PTN: variants seen among roughly 807,000 people sequenced by gnomAD.
PTN encodes pleiotrophin.
In PTN, 18 loss-of-function variants were observed where a neutral mutation model predicts 24.1. That is an observed-to-expected ratio of 0.75 (90% CI 0.52 to 1.11). The LOEUF is 1.11. Among genes scored for constraint, PTN ranks in the 50% least tolerant of loss-of-function variants. The pLI is 0.00. For synonymous variants in PTN, 78 were observed against 68.6 expected, an observed-to-expected ratio of 1.14 and a Z score of -0.67; for missense variants, 163 against 198.8, an observed-to-expected ratio of 0.82 and a Z score of 1.08.
intron 1 of PTN, among the ~76,000 whole-genome samples, chr7:137,269,781 C>T (rs193121018): frequency 1.5e-4 from 23 of 151,672 alleles, no homozygotes; most frequent in Non-Finnish European, 2.4e-4. Context: ...TACAAATGTG[C>T]GCTACCCTGC....
At chr7:137,320,025 C>T (rs1387253306) in intron 1 of PTN, among the ~76,000 whole-genome samples, 1 of 152,148 alleles carries the variant, frequency 6.6e-6, no homozygotes, top group Non-Finnish European at 1.5e-5. Context: ...GAAAACAAAT[C>T]TCTCTCTCTT....
At chr7:137,321,189 C>T (rs1423817382) in intron 1 of PTN, among the ~76,000 whole-genome samples, 3 of 152,174 alleles carry the variant, frequency 2.0e-5, no homozygotes, top group African/African-American at 7.2e-5. Flanking sequence ...AAAGACCCTG[C>T]ATGTTCACCA....
At chr7:137,343,200 A>C (rs1810563177) in intron 1 of PTN, among the ~76,000 whole-genome samples, 1 of 152,024 alleles carries the variant, frequency 6.6e-6, no homozygotes, top group Non-Finnish European at 1.5e-5. Context: ...ACATCACAAA[A>C]ACTTCTTTCC....
intron 4 of PTN, among the ~76,000 whole-genome samples, chr7:137,241,896 G>T (rs959437681): frequency 6.6e-6 from 1 of 152,146 alleles, no homozygotes; most frequent in African/African-American, 2.4e-5. Context: ...GGGCCTTCGA[G>T]GGGAGGGAGC....
At chr7:137,287,605 A>G (rs1809577462) in intron 1 of PTN, 1 of 152,150 alleles carries the variant, frequency 6.6e-6, no homozygotes, top group South Asian at 2.1e-4. Context: ...AAGAGCCTAA[A>G]CTAAAACTTG....
intron 1 of PTN, among the ~76,000 whole-genome samples, chr7:137,305,218 T>C (rs982937212): frequency 1.3e-5 from 2 of 152,096 alleles, no homozygotes; most frequent in African/African-American, 4.8e-5. Flanking sequence ...TCAATAATTC[T>C]ATAGCATTCA....
intron 1 of PTN, among the ~76,000 whole-genome samples, chr7:137,307,122 A>G (rs1436887937): frequency 1.3e-5 from 2 of 152,090 alleles, no homozygotes; most frequent in Admixed American, 6.6e-5. Flanking sequence ...TGAATAACGA[A>G]TTTAAAGTTT....
Position 137,253,569 on chromosome 7 carries a change from A to C in PTN, c.184T>G (p.Cys62Gly), listed in dbSNP as rs1328455206. 1 of 1,611,950 alleles carries C rather than the reference A, an allele frequency of 6.2e-7. No homozygotes were observed. Among genetic ancestry groups the C allele is most frequent in the Admixed American group, 1.7e-5 (1 of 59,730 alleles). ...GTGCCCTCCCGTGTGCCCAGCCCAC[A>C]GTCTCCACTGGTGGGCACACACACA... Reference protein sequence around the residue: ...WSVCVPTSGDCGLGTREGTRT... With the variant: ...WSVCVPTSGDGGLGTREGTRT... Residue 62 changes from cysteine (C) to glycine (G), a missense_variant, in exon 3 of 5, where the codon TGT (cysteine) becomes GGT (glycine). Cys to Gly is a radical substitution (Grantham distance 159). Transcript: ENST00000348225.
intron 1 of PTN, among the ~76,000 whole-genome samples, chr7:137,315,817 T>C (rs1810062383): frequency 6.6e-6 from 1 of 152,126 alleles, no homozygotes; most frequent in Admixed American, 6.5e-5. Flanking sequence ...GTATAGCTGA[T>C]GGGAGGTGGC....
chr7:137,274,559 G>A (rs564696730), intron 1 of PTN, among the ~76,000 whole-genome samples: 1 of 151,606 alleles, frequency 6.6e-6, no homozygotes, highest in South Asian at 2.1e-4. Flanking sequence ...TCCCCTCCCT[G>A]TGTCCATGTG....
At chr7:137,247,087 G>A (rs188726849) in intron 4 of PTN, among the ~76,000 whole-genome samples, 4 of 152,228 alleles carry the variant, frequency 2.6e-5, no homozygotes, top group Admixed American at 2.6e-4. Flanking sequence ...AAATGTTGAT[G>A]ATGTACTCTT....
chr7:137,311,422 C>T (rs1440639117), intron 1 of PTN, among the ~76,000 whole-genome samples: 1 of 152,120 alleles, frequency 6.6e-6, no homozygotes, highest in Admixed American at 6.6e-5. Context: ...CTTCTTCAAG[C>T]ACCTTTCCTT....
intron 1 of PTN, among the ~76,000 whole-genome samples, chr7:137,260,398 G>A (rs1809013096): frequency 6.6e-6 from 1 of 152,110 alleles, no homozygotes; most frequent in South Asian, 2.1e-4. Context: ...GGCTTTACAT[G>A]TTTCCCATCC....
chr7:137,296,972 C>A (rs975014780), intron 1 of PTN, among the ~76,000 whole-genome samples: 3 of 151,928 alleles, frequency 2.0e-5, no homozygotes, highest in Non-Finnish European at 1.5e-5. Context: ...CTTGAATGCA[C>A]AAAAGATTCA....
chr7:137,315,378 T>C (rs1810055764), intron 1 of PTN, among the ~76,000 whole-genome samples: 1 of 150,438 alleles, frequency 6.6e-6, no homozygotes, highest in Non-Finnish European at 1.5e-5. Context: ...CAAGCTCAAG[T>C]CCAAATTCTT....
chr7:137,273,029 T>C (rs2128874665), intron 1 of PTN, among the ~76,000 whole-genome samples: 2 of 152,362 alleles, frequency 1.3e-5, no homozygotes, highest in Middle Eastern at 3.4e-3. Context: ...TGTGTGATTG[T>C]GATTGTGTTT....
intron 1 of PTN, among the ~76,000 whole-genome samples, chr7:137,288,442 T>C (rs78428127): frequency 0.026 from 3,963 of 152,310 alleles, 63 homozygotes; most frequent in African/African-American, 0.045. Context: ...AGTTTTCTAA[T>C]ATGTTAAATG....
intron 1 of PTN, among the ~76,000 whole-genome samples, chr7:137,315,342 CACTT>C (rs1177116796): frequency 1.3e-5 from 2 of 150,062 alleles, no homozygotes; most frequent in African/African-American, 4.9e-5. Flanking sequence ...TGTCCCAGAA[CACTT>C]ACACGAAAAA....
At chr7:137,230,312 G>T (rs17168990) in intron 4 of PTN, among the ~76,000 whole-genome samples, 28,171 of 151,598 alleles carry the variant, frequency 0.19, 2,899 homozygotes, top group African/African-American at 0.26. Context: ...ACCTGACATT[G>T]GTGTCTTATT....
Sources: gnomAD v4.1 joint callset for allele counts (sites outside exome capture counted in the v4.1 genomes callset) on GRCh38, gnomAD v4.1.1 for gene constraint, MANE v1.5 for transcripts, NCBI Gene and HGNC (gene_info 2026-07-23, HGNC 2026-07-21) for gene names.